The following PIGF variants were observed in gnomAD, a reference collection of about 807,000 sequenced individuals.
The protein encoded by PIGF is GPI ethanolamine phosphate transferase, stabilizing subunit.
PIGF carries 23 observed loss-of-function variants against 26.0 expected under a neutral mutation model. That is an observed-to-expected ratio of 0.88 (90% CI 0.64 to 1.25). The LOEUF is 1.25. Among genes scored for constraint, PIGF ranks in the 50% most tolerant of loss-of-function variants. The probability of loss-of-function intolerance (pLI) is 0.00; values close to 1 mark genes in which losing one functional copy is unlikely to be tolerated. For missense variants in PIGF, 278 were observed against 249.9 expected (o/e 1.11, Z -0.76); for synonymous variants, 93 against 92.6 (o/e 1.00, Z -0.03).
intron 4 of PIGF, among the ~76,000 whole-genome samples, chr2:46,596,010 C>T (rs371341100): frequency 5.2e-4 from 79 of 152,042 alleles, no homozygotes; most frequent in African/African-American, 1.9e-3. Flanking sequence ...GTCAGGAGTT[C>T]GAGACCAGCC....
At chr2:46,596,560 A>C (rs1222379036) in intron 4 of PIGF, among the ~76,000 whole-genome samples, 2 of 152,154 alleles carry the variant, frequency 1.3e-5, no homozygotes, top group Non-Finnish European at 2.9e-5. Context: ...TTAAACTAAT[A>C]ATAAAAATAG....
intron 4 of PIGF, among the ~76,000 whole-genome samples, chr2:46,596,914 T>C (rs534890049): frequency 4.1e-4 from 62 of 152,352 alleles, no homozygotes; most frequent in Non-Finnish European, 7.4e-4. Context: ...AATTATACAT[T>C]TCTTTTCTCA....
At chr2:46,611,105 A>C in intron 4 of PIGF, among the ~76,000 whole-genome samples, 1 of 151,960 alleles carries the variant, frequency 6.6e-6, no homozygotes, top group Non-Finnish European at 1.5e-5. Flanking sequence ...TTGAGTTCCT[A>C]CACCACTTAT....
At chr2:46,615,340 C>T in intron 1 of PIGF, 155 bp from the exon 2 acceptor site, 1 of 512,034 alleles carries the variant, frequency 2.0e-6, no homozygotes, top group East Asian at 3.3e-5. Context: ...GATGCACATA[C>T]AGACTTAGCT....
intron 4 of PIGF, among the ~76,000 whole-genome samples, chr2:46,598,528 G>GCTTTTTTTTTTTT (rs1558704671): frequency 1.1e-5 from 1 of 92,584 alleles, no homozygotes; most frequent in Non-Finnish European, 2.1e-5. Flanking sequence ...AACATTATGA[G>GCTTTTTTTTTTTT]ATTTTTTTTT....
intron 5 of PIGF, chr2:46,591,637 T>C (rs1427447385): frequency 1.2e-5 from 11 of 933,522 alleles, no homozygotes; most frequent in Non-Finnish European, 1.4e-5. Flanking sequence ...TGATCAATAG[T>C]GAATTTGTTA....
rs577721745 is a variant in PIGF at position 46,612,989 on chromosome 2, C to T, written c.321-645G>A. 7.2e-5 allele frequency among the ~76,000 whole-genome samples: 11 copies of T among 151,926 alleles called. No homozygotes were observed. In the South Asian group the frequency reaches 1.5e-3, roughly 20 times the overall value. ...CCATTACAAAGGTCTTGTTCTCTCC[C>T]ATCTAGAAAAGAATAACCTGTCAGT... On this transcript the variant is annotated intron_variant, in intron 3 of 5. Coordinates refer to ENST00000281382, the MANE Select transcript of PIGF (RefSeq NM_002643.4).
chr2:46,585,688 G>C (rs770991343), intron 5 of PIGF, among the ~76,000 whole-genome samples: 3 of 152,288 alleles, frequency 2.0e-5, no homozygotes, highest in Non-Finnish European at 2.9e-5. Context: ...GTAATAAGTA[G>C]AACCGGCAGT....
At chr2:46,605,950 T>A (rs1048242612) in intron 4 of PIGF, among the ~76,000 whole-genome samples, 1 of 152,206 alleles carries the variant, frequency 6.6e-6, no homozygotes, top group Non-Finnish European at 1.5e-5. Flanking sequence ...TATAAAATGT[T>A]TCACATTATA....
At chr2:46,581,623 A>C in intron 5 of PIGF, 32 bp from the exon 6 acceptor site, 1 of 1,602,004 alleles carries the variant, frequency 6.2e-7, no homozygotes, top group East Asian at 2.2e-5. Flanking sequence ...TCAAAAAAGA[A>C]CAAATGTTTT....
intron 1 of PIGF, 47 bp from the exon 2 acceptor site, chr2:46,615,232 C>G: frequency 1.3e-6 from 1 of 771,464 alleles, no homozygotes; most frequent in South Asian, 1.6e-5. Context: ...ACGACTTTTT[C>G]CATTGTCTTA....
intron 4 of PIGF, among the ~76,000 whole-genome samples, chr2:46,593,657 CAT>C (rs1669791639): frequency 6.6e-6 from 1 of 152,210 alleles, no homozygotes; most frequent in Non-Finnish European, 1.5e-5. Flanking sequence ...GTGAACACTT[CAT>C]CATGTAGAAC....
Position 46,612,333 on chromosome 2 carries a change from T to C in PIGF, c.332A>G (p.Glu111Gly). The C allele has an allele frequency of 7.3e-7, 1 of 1,373,020 alleles. No individual in the cohort carries two copies. The highest frequency in any genetic ancestry group is 9.9e-7 in the Non-Finnish European group (1 of 1,012,064). The allele number at this position is 1,373,020 out of a possible 1,614,324, so 85.1% of individuals were successfully genotyped here. Reference sequence around the variant, plus strand: ...CAAAATAACTGCAAATAAAAATGTTTCCAATGCCAACCTAGAAAAAAAAAA... The same window carrying C: ...CAAAATAACTGCAAATAAAAATGTTCCCAATGCCAACCTAGAAAAAAAAAA... ...YGAPLIELAL[E>G]TFLFAVILST... The change falls in exon 4 of 6, where the codon GAA becomes GGA. Residue 111 changes from glutamate to glycine, a missense_variant. Physicochemically the swap from Glu to Gly is moderately conservative, Grantham distance 98. Transcript: ENST00000281382.
chr2:46,590,101 C>A (rs931230012), intron 5 of PIGF, among the ~76,000 whole-genome samples: 1 of 151,982 alleles, frequency 6.6e-6, no homozygotes, highest in African/African-American at 2.4e-5. Flanking sequence ...CAGTAATATT[C>A]CAGCTGAATG....
At chr2:46,612,677 T>G (rs1011050319) in intron 3 of PIGF, among the ~76,000 whole-genome samples, 7 of 152,200 alleles carry the variant, frequency 4.6e-5, no homozygotes, top group African/African-American at 1.7e-4. Flanking sequence ...TGGAACTTTC[T>G]CTACAACTAG....
chr2:46,597,441 C>A (rs1669922205), intron 4 of PIGF, among the ~76,000 whole-genome samples: 1 of 150,686 alleles, frequency 6.6e-6, no homozygotes, highest in African/African-American at 2.4e-5. Context: ...GAGGTGAAGT[C>A]TCACTTTGTC....
intron 4 of PIGF, among the ~76,000 whole-genome samples, chr2:46,608,267 C>T (rs1670286263): frequency 6.6e-6 from 1 of 152,196 alleles, no homozygotes; most frequent in African/African-American, 2.4e-5. Flanking sequence ...AGACCATTTT[C>T]TTTCTCATCC....
At chr2:46,611,533 T>A (rs1670418681) in intron 4 of PIGF, among the ~76,000 whole-genome samples, 1 of 151,814 alleles carries the variant, frequency 6.6e-6, no homozygotes, top group African/African-American at 2.4e-5. Flanking sequence ...ACACACAGCT[T>A]AGCATAACAC....
chr2:46,585,796 C>G (rs775459627), intron 5 of PIGF, among the ~76,000 whole-genome samples: 3 of 150,956 alleles, frequency 2.0e-5, no homozygotes, highest in Non-Finnish European at 4.4e-5. Context: ...TTTTTTGAGA[C>G]GGACTCTCGC....
Sources: allele counts gnomAD v4.1 joint callset (sites outside exome capture counted in the v4.1 genomes callset), GRCh38; gene constraint gnomAD v4.1.1; transcripts MANE v1.5; gene names NCBI Gene and HGNC (gene_info 2026-07-23, HGNC 2026-07-21).